Variants in PDE4D observed in about 807,000 individuals in gnomAD.
PDE4D encodes phosphodiesterase 4D.
Under a neutral mutation model 87.4 loss-of-function variants are expected in PDE4D, and 24 were observed. The observed-to-expected ratio is 0.27, with a 90% confidence interval of 0.20 to 0.39. The LOEUF (loss-of-function observed/expected upper bound fraction) is 0.39, where lower values mean the gene tolerates loss of function less well. Ranked by LOEUF, PDE4D falls within the 10% of genes least tolerant of loss-of-function variation. The pLI, the probability that PDE4D is intolerant of heterozygous loss-of-function variation, is 1.00. For missense variants in PDE4D, 714 were observed against 1,041.0 expected, an observed-to-expected ratio of 0.69 and a Z score of 4.32; for synonymous variants, 384 against 383.2, an observed-to-expected ratio of 1.00 and a Z score of -0.02.
intron 2 of PDE4D, among the ~76,000 whole-genome samples, chr5:60,030,319 G>A (rs1413568243): frequency 6.6e-6 from 1 of 151,984 alleles, no homozygotes; most frequent in African/African-American, 2.4e-5. Context: ...GCGCGGTGGC[G>A]GGCACCTGTA....
chr5:59,625,426 T>A (rs2150126389), intron 1 of PDE4D, among the ~76,000 whole-genome samples: 1 of 152,238 alleles, frequency 6.6e-6, no homozygotes, highest in South Asian at 2.1e-4. Flanking sequence ...GCACCTTAAT[T>A]TCAGCCTTGA....
At chr5:59,392,719 TC>T (rs1307595281) in intron 1 of PDE4D, among the ~76,000 whole-genome samples, 3 of 152,122 alleles carry the variant, frequency 2.0e-5, no homozygotes, top group African/African-American at 7.2e-5. Context: ...ATCTATACCC[TC>T]CTTGCCCAGG....
At chr5:59,769,603 A>G (rs1327421072) in intron 1 of PDE4D, among the ~76,000 whole-genome samples, 2 of 152,226 alleles carry the variant, frequency 1.3e-5, no homozygotes, top group Admixed American at 1.3e-4. Flanking sequence ...AAAAGTAAAA[A>G]TGTTGTAACA....
intron 2 of PDE4D, among the ~76,000 whole-genome samples, chr5:60,163,988 C>A (rs1381623577): frequency 2.0e-5 from 3 of 152,138 alleles, no homozygotes; most frequent in Non-Finnish European, 4.4e-5. Flanking sequence ...ATCTATCTGT[C>A]TAGGAATGAA....
chr5:59,216,325 A>G (rs976906707), intron 1 of PDE4D, among the ~76,000 whole-genome samples: 13 of 152,168 alleles, frequency 8.5e-5, no homozygotes, highest in African/African-American at 2.9e-4. Flanking sequence ...ATTCGATTCA[A>G]CAAATACCCA....
chr5:60,427,628 G>A (rs1743835689), intron 1 of PDE4D, among the ~76,000 whole-genome samples: 1 of 152,172 alleles, frequency 6.6e-6, no homozygotes, highest in Admixed American at 6.5e-5. Flanking sequence ...AAAGAGCACT[G>A]GAAATGTTAA....
chr5:59,403,581 AATTTC>A (rs1190715966), intron 1 of PDE4D, among the ~76,000 whole-genome samples: 3 of 152,010 alleles, frequency 2.0e-5, no homozygotes, highest in African/African-American at 7.2e-5. Context: ...GTGCCTGGAT[AATTTC>A]ATTTAACATA....
intron 1 of PDE4D, among the ~76,000 whole-genome samples, chr5:59,414,606 T>C (rs1449850403): frequency 6.6e-6 from 1 of 152,206 alleles, no homozygotes; most frequent in Non-Finnish European, 1.5e-5. Context: ...GTGGAGCTAA[T>C]TCTGAAGGCC....
At chr5:59,808,954 T>C (rs1768034933) in intron 1 of PDE4D, among the ~76,000 whole-genome samples, 1 of 152,194 alleles carries the variant, frequency 6.6e-6, no homozygotes, top group African/African-American at 2.4e-5. Context: ...CCAGGCCTTC[T>C]TGGTTAGGAC....
At chr5:59,866,651 A>AAAAAAT (rs1179993818) in intron 1 of PDE4D, among the ~76,000 whole-genome samples, 4 of 152,142 alleles carry the variant, frequency 2.6e-5, no homozygotes, top group East Asian at 1.9e-4. Flanking sequence ...TTTGTCTGTA[A>AAAAAAT]AAAAATAAAA....
At chr5:60,064,960 G>C (rs1051032174) in intron 2 of PDE4D, among the ~76,000 whole-genome samples, 1 of 152,140 alleles carries the variant, frequency 6.6e-6, no homozygotes, top group African/African-American at 2.4e-5. Flanking sequence ...AGTAGGAACT[G>C]CAAGTAATTC....
intron 1 of PDE4D, among the ~76,000 whole-genome samples, chr5:60,348,671 T>A (rs535532209): frequency 1.3e-5 from 2 of 152,156 alleles, no homozygotes; most frequent in African/African-American, 4.8e-5. Context: ...AACTCTAGAA[T>A]ATTTGTTCTT....
intron 1 of PDE4D, chr5:59,768,716 C>G: frequency 1.6e-6 from 2 of 1,256,840 alleles, no homozygotes; most frequent in Middle Eastern, 2.8e-4. Flanking sequence ...CGTCACCCCT[C>G]CTCTCCCAAG....
intron 2 of PDE4D, among the ~76,000 whole-genome samples, chr5:60,071,871 T>TA (rs1282620150): frequency 6.6e-6 from 1 of 152,198 alleles, no homozygotes; most frequent in Admixed American, 6.5e-5. Flanking sequence ...TATGGCTGCA[T>TA]AGTATGCCAT....
At chr5:59,598,254 A>T (rs1826987113) in intron 1 of PDE4D, among the ~76,000 whole-genome samples, 1 of 152,202 alleles carries the variant, frequency 6.6e-6, no homozygotes, top group Non-Finnish European at 1.5e-5. Context: ...ATAAAGTAGC[A>T]AACCTGATCA....
At chr5:59,948,653 G>C (rs1757951267) in intron 3 of PDE4D, among the ~76,000 whole-genome samples, 1 of 152,196 alleles carries the variant, frequency 6.6e-6, no homozygotes, top group South Asian at 2.1e-4. Context: ...GTCTCTATTA[G>C]AACCTATGGT....
intron 6 of PDE4D, among the ~76,000 whole-genome samples, chr5:59,034,407 A>G (rs956980926): frequency 6.6e-6 from 1 of 152,178 alleles, no homozygotes; most frequent in Non-Finnish European, 1.5e-5. Flanking sequence ...TTTCCTTCTT[A>G]GCAAAAGTTT....
At chr5:59,847,788 A>T (rs2152714385) in intron 1 of PDE4D, among the ~76,000 whole-genome samples, 1 of 152,236 alleles carries the variant, frequency 6.6e-6, no homozygotes, top group Non-Finnish European at 1.5e-5. Context: ...GCCTGAAACC[A>T]TTGGCCTGCG....
intron 1 of PDE4D, among the ~76,000 whole-genome samples, chr5:59,474,225 T>C (rs1802918386): frequency 6.6e-6 from 1 of 152,166 alleles, no homozygotes; most frequent in African/African-American, 2.4e-5. Flanking sequence ...TTTAAGTTCA[T>C]TATATGCCAC....
Sources: gnomAD v4.1 joint callset for allele counts (sites outside exome capture counted in the v4.1 genomes callset) on GRCh38, gnomAD v4.1.1 for gene constraint, MANE v1.5 for transcripts, NCBI Gene and HGNC (gene_info 2026-07-23, HGNC 2026-07-21) for gene names.